The following RAPGEF2 variants were observed in gnomAD, a reference collection of about 807,000 sequenced individuals.
The protein encoded by RAPGEF2 is PDZ domain containing guanine nucleotide exchange factor (GEF) 1.
RAPGEF2 carries 54 observed loss-of-function variants against 186.7 expected under a neutral mutation model. The observed-to-expected ratio is 0.29, with a 90% CI of 0.23 to 0.36. RAPGEF2 has a LOEUF of 0.36. Ranked by LOEUF, RAPGEF2 falls within the 10% of genes least tolerant of loss-of-function variation. The pLI, the probability that RAPGEF2 is intolerant of heterozygous loss-of-function variation, is 1.00. For synonymous variants in RAPGEF2, 712 were observed against 705.9 expected (o/e 1.01, Z -0.14); for missense variants, 1,532 against 2,045.0 (o/e 0.75, Z 4.84).
chr4:159,274,788 A>G (rs1228057689), intron 7 of RAPGEF2, among the ~76,000 whole-genome samples: 1 of 152,192 alleles, frequency 6.6e-6, no homozygotes, highest in African/African-American at 2.4e-5. Context: ...GAAAAAATAT[A>G]TTAGGGAATG....
chr4:159,335,451 G>C (rs888011669), intron 17 of RAPGEF2, among the ~76,000 whole-genome samples: 10 of 152,192 alleles, frequency 6.6e-5, no homozygotes, highest in Middle Eastern at 3.2e-3. Flanking sequence ...TTCAATCCAA[G>C]AGTGGCCGCA....
At chr4:159,325,598 T>C (rs563279218) in intron 11 of RAPGEF2, among the ~76,000 whole-genome samples, 3 of 106,982 alleles carry the variant, frequency 2.8e-5, no homozygotes, top group South Asian at 5.3e-4. Context: ...AGTAAAAGTT[T>C]GTTTGTTTTT....
rs1332347554 is a variant in RAPGEF2, at chr4:159,352,908, G to C, written c.4089G>C (p.Leu1363Phe). 17 of 1,608,966 alleles carry C rather than the reference G, an allele frequency of 1.1e-5. No individual in the cohort carries two copies. Among genetic ancestry groups the C allele is most frequent in the Non-Finnish European group, 1.4e-5 (17 of 1,176,454 alleles). ...RTMIEPDQYSLGSYAPMSEGR... is the reference protein window; with the variant it reads ...RTMIEPDQYSFGSYAPMSEGR... ...TGATTGAACCTGATCAGTATAGCTT[G>C]GGGTAGGTGGCTCTTTTTAATATTC... The change falls in exon 27 of 30, where the codon TTG (leucine) becomes TTC (phenylalanine). Residue 1363 changes from leucine to phenylalanine, a missense_variant and splice_region_variant. By Grantham distance (22) the Leu-to-Phe change is conservative. Transcript: ENST00000691494.
chr4:159,217,489 C>T (rs980352014), intron 4 of RAPGEF2, among the ~76,000 whole-genome samples: 1 of 152,162 alleles, frequency 6.6e-6, no homozygotes, highest in Non-Finnish European at 1.5e-5. Context: ...GACATGATTC[C>T]ATTCTTTTTT....
chr4:159,139,958 G>A (rs1742139520), intron 1 of RAPGEF2, among the ~76,000 whole-genome samples: 2 of 152,190 alleles, frequency 1.3e-5, no homozygotes, highest in African/African-American at 2.4e-5. Context: ...AAGGGAAATG[G>A]AGGCTCATGC....
chr4:159,348,218 C>CGATAGATA lies in RAPGEF2; in HGVS notation c.3712+1240_3712+1247dup, dbSNP rs535075782. Among the ~76,000 whole-genome samples, 211 of 145,838 alleles carry CGATAGATA rather than the reference C, an allele frequency of 1.4e-3. 1 individual carries two copies. Among genetic ancestry groups the CGATAGATA allele is most frequent in the African/African-American group, 5.2e-3 (203 of 39,220 alleles). ...CCTGGGCGACAGAGCAAGACTCTGT[C>CGATAGATA]GATAGATAGATAGATAGATAGATAG... On this transcript the variant is annotated intron_variant, in intron 25 of 29. Transcript: ENST00000691494.
In RAPGEF2 at chr4:159,345,313, G is replaced by A. The variant is rs771548238; in HGVS notation, c.3486G>A (p.Glu1162=). 3.1e-6 allele frequency: 5 copies of A among 1,613,962 alleles called. No homozygotes were observed. In the African/African-American group the frequency reaches 4.0e-5, roughly 13 times the overall value. Residue 1162 remains glutamate (E), a synonymous_variant, in exon 24 of 30, where the codon GAG becomes GAA. Coordinates refer to ENST00000691494, the MANE Select transcript of RAPGEF2 (RefSeq NM_001394067.2). ...ESLQTLSLQC[E]PATNTLPKNP... is the part of the protein sequence containing the mutation. ...TTCAGACATTATCTCTGCAGTGTGA[G>A]CCAGCAACCAACACATGTGAGTTTT...
chr4:159,352,974 T>G, intron 27 of RAPGEF2, 64 bp downstream of exon 27: 2 of 1,369,968 alleles, frequency 1.5e-6, no homozygotes, highest in Non-Finnish European at 2.0e-6. Flanking sequence ...ATAATGAGTC[T>G]TTTCTTCCAG....
At chr4:159,190,218 G>C (rs1747973494) in intron 2 of RAPGEF2, among the ~76,000 whole-genome samples, 1 of 152,166 alleles carries the variant, frequency 6.6e-6, no homozygotes, top group Non-Finnish European at 1.5e-5. Context: ...ATAGGAGTTT[G>C]GATTTTCTTT....
chr4:159,297,352 T>C (rs895762819), intron 7 of RAPGEF2, among the ~76,000 whole-genome samples: 1 of 152,192 alleles, frequency 6.6e-6, no homozygotes, highest in Non-Finnish European at 1.5e-5. Context: ...CCATACTTAG[T>C]TTGTAGCATA....
chr4:159,152,319 T>TA lies in RAPGEF2; in HGVS notation c.70-34314dup, dbSNP rs528906233. 2.8e-3 allele frequency among the ~76,000 whole-genome samples: 420 copies of TA among 151,148 alleles called. 2 individuals carry two copies. The highest frequency in any genetic ancestry group is 9.6e-3 in the African/African-American group (394 of 41,250). ...ATGGGTGACAGAGCGAGACTCTGTCTAAAAAAAAATAAGAAAGAAAGAAAA... is the reference window on the plus strand; with the variant it reads ...ATGGGTGACAGAGCGAGACTCTGTCTAAAAAAAAAATAAGAAAGAAAGAAAA... On this transcript the variant is annotated intron_variant, in intron 1 of 29. Transcript: ENST00000691494.
chr4:159,338,502 T>C (rs1334281830), intron 18 of RAPGEF2, 34 bp downstream of exon 18: 3 of 1,557,812 alleles, frequency 1.9e-6, no homozygotes, highest in South Asian at 1.2e-5. Flanking sequence ...TGTTTTCTTA[T>C]AGTTATCTTT....
chr4:159,219,347 CTTTTTTTTTT>C (rs70962664), intron 4 of RAPGEF2, among the ~76,000 whole-genome samples: 2 of 81,446 alleles, frequency 2.5e-5, no homozygotes, highest in Non-Finnish European at 2.2e-5. Flanking sequence ...CAACTGTATC[CTTTTTTTTTT>C]TTTTTTTTTT....
intron 8 of RAPGEF2, among the ~76,000 whole-genome samples, chr4:159,310,663 G>A (rs1229091349): frequency 1.3e-5 from 2 of 151,908 alleles, no homozygotes; most frequent in Non-Finnish European, 2.9e-5. Flanking sequence ...AAATATTAAT[G>A]GACAACAAAA....
At chr4:159,137,101 T>A (rs1332976805) in intron 1 of RAPGEF2, among the ~76,000 whole-genome samples, 2 of 152,238 alleles carry the variant, frequency 1.3e-5, no homozygotes, top group Non-Finnish European at 2.9e-5. Context: ...TAAATTCATT[T>A]GATTACATTT....
At chr4:159,345,848 G>A (rs1475835792) in intron 24 of RAPGEF2, among the ~76,000 whole-genome samples, 1 of 151,708 alleles carries the variant, frequency 6.6e-6, no homozygotes, top group Non-Finnish European at 1.5e-5. Context: ...TATAAATGGG[G>A]CAGTTTTTTT....
At position 159,331,426 on chromosome 4, in the gene RAPGEF2, T is replaced by C; in HGVS notation, c.1468-5T>C. The C allele has an allele frequency of 6.4e-7, 1 of 1,558,204 alleles. No homozygotes were observed. Among genetic ancestry groups the C allele is most frequent in the South Asian group, 1.2e-5 (1 of 83,132 alleles). ...GAAACTTATTGAAAATAATTGACTT[T>C]TCAGGTTACACGGGTAGTATTATTG... On this transcript the variant is annotated splice_polypyrimidine_tract_variant and splice_region_variant and intron_variant, in intron 13 of 29. Coordinates refer to ENST00000691494, the MANE Select transcript of RAPGEF2 (RefSeq NM_001394067.2).
chr4:159,337,838 C>T (rs531442240), intron 17 of RAPGEF2, among the ~76,000 whole-genome samples: 84 of 132,598 alleles, frequency 6.3e-4, no homozygotes, highest in Non-Finnish European at 9.5e-4. Flanking sequence ...TGCAGTGAGC[C>T]GAGATCACAC....
intron 1 of RAPGEF2, among the ~76,000 whole-genome samples, chr4:159,166,438 A>T (rs1226625464): frequency 6.6e-6 from 1 of 152,178 alleles, no homozygotes; most frequent in Non-Finnish European, 1.5e-5. Context: ...TCTAGAGGAA[A>T]TGTACTGTTT....
Sources: gnomAD v4.1 joint callset for allele counts (sites outside exome capture counted in the v4.1 genomes callset) on GRCh38, gnomAD v4.1.1 for gene constraint, MANE v1.5 for transcripts, NCBI Gene and HGNC (gene_info 2026-07-23, HGNC 2026-07-21) for gene names.